Variants in P2RY14 observed in about 807,000 individuals in gnomAD.
The protein encoded by P2RY14 is P2Y purinoceptor 14.
In P2RY14, 2 loss-of-function variants were observed where a neutral mutation model predicts 0.9. The observed-to-expected ratio is 2.16, with a 90% CI of 0.88 to 6.79. The LOEUF is 6.79. Among genes scored for constraint, P2RY14 ranks in the 30% most tolerant of loss-of-function variants. The pLI is 0.05. For missense variants in P2RY14, 378 were observed against 400.1 expected (o/e 0.94, Z 0.47); for synonymous variants, 158 against 147.2 (o/e 1.07, Z -0.53).
At chr3:151,237,941 G>C (rs1327357470) in intron 1 of P2RY14, among the ~76,000 whole-genome samples, 2 of 151,920 alleles carry the variant, frequency 1.3e-5, no homozygotes, top group Non-Finnish European at 2.9e-5. Flanking sequence ...GAATATTGTT[G>C]ATATTTTGTT....
chr3:151,219,474 C>T (rs1182133858), intron 2 of P2RY14, 61 bp downstream of exon 2: 1 of 152,142 alleles, frequency 6.6e-6, no homozygotes, highest in Non-Finnish European at 1.5e-5. Context: ...ATTTTTTCTT[C>T]ATAGCACTTC....
chr3:151,219,408 T>G (rs1728878940), intron 2 of P2RY14, 127 bp downstream of exon 2: 1 of 152,202 alleles, frequency 6.6e-6, no homozygotes. Context: ...CCTCTTGTAT[T>G]AGAACACCTT....
chr3:151,242,800 A>T (rs1734484862), intron 1 of P2RY14, among the ~76,000 whole-genome samples: 2 of 152,054 alleles, frequency 1.3e-5, no homozygotes, highest in Non-Finnish European at 2.9e-5. Flanking sequence ...AGAAGGCTTC[A>T]GACGATCAAA....
In P2RY14 at chr3:151,216,479, T is replaced by C. The variant is rs139623433; in HGVS notation, c.-24-2139A>G. Among the ~76,000 whole-genome samples the C allele has an allele frequency of 2.6e-5, 4 of 152,360 alleles. No individual in the cohort carries two copies. The South Asian group carries it at 8.3e-4, about 32-fold the overall frequency. On this transcript the variant is annotated intron_variant, in intron 2 of 2. Transcript: ENST00000309170. Reference sequence around the variant, plus strand: ...AAAATAGTACATCCATGTAAACTTGTGTGCTGCTTCCTACACAAGAATATC... The same window carrying C: ...AAAATAGTACATCCATGTAAACTTGCGTGCTGCTTCCTACACAAGAATATC...
At chr3:151,271,925 T>TG (rs1399812043) in intron 1 of P2RY14, among the ~76,000 whole-genome samples, 6 of 152,184 alleles carry the variant, frequency 3.9e-5, no homozygotes, top group Admixed American at 1.3e-4. Context: ...ATTGGGGTGG[T>TG]GATTATATGG....
chr3:151,242,772 CTT>C (rs1344604410), intron 1 of P2RY14, among the ~76,000 whole-genome samples: 1 of 152,088 alleles, frequency 6.6e-6, no homozygotes, highest in Non-Finnish European at 1.5e-5. Flanking sequence ...TGGAGAATGA[CTT>C]TGACGAGCTG....
chr3:151,234,383 G>A (rs1732309207), intron 1 of P2RY14, among the ~76,000 whole-genome samples: 3 of 152,230 alleles, frequency 2.0e-5, no homozygotes, highest in African/African-American at 7.2e-5. Context: ...ATTGCAAATA[G>A]TTACGTTGTA....
Position 151,213,262 on chromosome 3 carries a change from C to T in P2RY14, c.*38G>A, listed in dbSNP as rs749397554. On this transcript the variant is annotated 3_prime_UTR_variant, in exon 3 of 3. Transcript: ENST00000309170. Reference sequence around the variant, plus strand: ...TCTGTTATGTAATTGAAGATGACAACATGCACACGTGGTCTTTCTTTGGAA... The same window carrying T: ...TCTGTTATGTAATTGAAGATGACAATATGCACACGTGGTCTTTCTTTGGAA... The T allele has an allele frequency of 1.4e-6, 2 of 1,471,696 alleles. No individual in the cohort carries two copies. Among genetic ancestry groups the T allele is most frequent in the East Asian group, 2.3e-5 (1 of 44,152 alleles). 91.2% of individuals were successfully genotyped at this position (1,471,696 alleles called of 1,614,324 possible). A position where few individuals can be genotyped will look rare whatever the true frequency, so the allele number is the denominator to read the frequency against.
intron 1 of P2RY14, among the ~76,000 whole-genome samples, chr3:151,240,445 G>C (rs537843597): frequency 1.3e-5 from 2 of 152,312 alleles, no homozygotes; most frequent in South Asian, 2.1e-4. Context: ...CTGCGTGCCA[G>C]GTACTAGCAT....
At chr3:151,247,602 G>T (rs1355686929) in intron 1 of P2RY14, among the ~76,000 whole-genome samples, 1 of 114,960 alleles carries the variant, frequency 8.7e-6, no homozygotes, top group African/African-American at 3.0e-5. Flanking sequence ...TCACACTCCG[G>T]GGACTGTTGT....
intron 1 of P2RY14, among the ~76,000 whole-genome samples, chr3:151,223,698 A>C (rs1481630683): frequency 6.6e-6 from 1 of 152,186 alleles, no homozygotes; most frequent in Admixed American, 6.5e-5. Flanking sequence ...ACGGGGAGGT[A>C]GGAAGCGGGG....
At chr3:151,230,966 G>T (rs1171439898) in intron 1 of P2RY14, among the ~76,000 whole-genome samples, 1 of 152,124 alleles carries the variant, frequency 6.6e-6, no homozygotes, top group East Asian at 1.9e-4. Context: ...GACATCTTTT[G>T]ATCAGAAAGC....
At chr3:151,246,680 C>G (rs1735575722) in intron 1 of P2RY14, among the ~76,000 whole-genome samples, 1 of 152,264 alleles carries the variant, frequency 6.6e-6, no homozygotes, top group South Asian at 2.1e-4. Flanking sequence ...AGAAGAAAAC[C>G]TAGGCATTAC....
intron 1 of P2RY14, among the ~76,000 whole-genome samples, chr3:151,255,808 C>T (rs1487679636): frequency 1.3e-5 from 2 of 152,154 alleles, no homozygotes; most frequent in Non-Finnish European, 2.9e-5. Context: ...TTTGGATATA[C>T]AAGCCAGCAG....
chr3:151,250,518 CA>C (rs1736642331), intron 1 of P2RY14, among the ~76,000 whole-genome samples: 2 of 152,180 alleles, frequency 1.3e-5, no homozygotes, highest in African/African-American at 2.4e-5. Context: ...GAAGTGGAAT[CA>C]TACAGTATTT....
At chr3:151,252,132 G>A (rs1001012512) in intron 1 of P2RY14, among the ~76,000 whole-genome samples, 1 of 152,038 alleles carries the variant, frequency 6.6e-6, no homozygotes, top group Non-Finnish European at 1.5e-5. Context: ...CCCTATGCAG[G>A]ATAAACTCAC....
intron 1 of P2RY14, among the ~76,000 whole-genome samples, chr3:151,227,615 A>AG (rs1730796645): frequency 6.6e-6 from 1 of 152,186 alleles, no homozygotes; most frequent in South Asian, 2.1e-4. Flanking sequence ...CTGTCAGTGG[A>AG]GGGTGAGGTG....
chr3:151,238,850 A>C lies in P2RY14; in HGVS notation c.-132-19208T>G, dbSNP rs893035274. On this transcript the variant is annotated intron_variant, in intron 1 of 2. Coordinates refer to ENST00000309170, the MANE Select transcript of P2RY14 (RefSeq NM_014879.4). ...CTTATGATTGTCTAGAGGAATGAACACTTGTATAATTGAGTTATAAGCTGA... is the reference window on the plus strand; with the variant it reads ...CTTATGATTGTCTAGAGGAATGAACCCTTGTATAATTGAGTTATAAGCTGA... Among the ~76,000 whole-genome samples, 23 of 152,376 alleles carry C rather than the reference A, an allele frequency of 1.5e-4. No homozygotes were observed. In the South Asian group the frequency reaches 2.5e-3, roughly 16 times the overall value.
intron 1 of P2RY14, among the ~76,000 whole-genome samples, chr3:151,247,959 C>CTTTTTTTTTT (rs1407147027): frequency 3.1e-5 from 2 of 65,456 alleles, no homozygotes; most frequent in African/African-American, 1.2e-4. Flanking sequence ...TCTTCTTCTT[C>CTTTTTTTTTT]TTCTTTTTTT....
Sources: allele counts gnomAD v4.1 joint callset (sites outside exome capture counted in the v4.1 genomes callset), GRCh38; gene constraint gnomAD v4.1.1; transcripts MANE v1.5; gene names NCBI Gene and HGNC (gene_info 2026-07-23, HGNC 2026-07-21).